The following COLEC12 variants were observed in gnomAD, a reference collection of about 807,000 sequenced individuals.
The protein encoded by COLEC12 is collectin subfamily member 12.
A neutral mutation model predicts 71.1 loss-of-function variants in COLEC12; 33 were observed. The ratio of observed to expected loss-of-function variants is 0.46; its 90% CI spans 0.35 to 0.62. The LOEUF (loss-of-function observed/expected upper bound fraction) is 0.62. COLEC12 is among the 20% of genes least tolerant of loss of function. The pLI, the probability that COLEC12 is intolerant of heterozygous loss-of-function variation, is 0.00. For missense variants in COLEC12, 765 were observed against 916.1 expected (o/e 0.84, Z 2.13); for synonymous variants, 350 against 353.0 (o/e 0.99, Z 0.10).
chr18:360,886 T>C (rs114777376), intron 2 of COLEC12, among the ~76,000 whole-genome samples: 2,044 of 152,270 alleles, frequency 0.013, 42 homozygotes, highest in African/African-American at 0.047. Flanking sequence ...TCTGTCTTAC[T>C]TCCTTATAGC....
intron 2 of COLEC12, among the ~76,000 whole-genome samples, chr18:412,732 A>G (rs1915916815): frequency 6.6e-6 from 1 of 152,218 alleles, no homozygotes. Context: ...GAACTAGCGA[A>G]ATGACAATAG....
intron 3 of COLEC12, among the ~76,000 whole-genome samples, chr18:353,091 C>A (rs866503555): frequency 6.6e-6 from 1 of 152,168 alleles, no homozygotes. Context: ...AAAAGCACTT[C>A]GGTATCATCC....
chr18:495,288 A>G (rs772913830), intron 1 of COLEC12, among the ~76,000 whole-genome samples: 2 of 152,226 alleles, frequency 1.3e-5, no homozygotes, highest in Non-Finnish European at 2.9e-5. Flanking sequence ...TGAACCTTCT[A>G]TGAAAAATGT....
intron 2 of COLEC12, among the ~76,000 whole-genome samples, chr18:378,619 T>C (rs1474938727): frequency 6.6e-6 from 1 of 152,166 alleles, no homozygotes; most frequent in African/African-American, 2.4e-5. Flanking sequence ...TGGCAATTGC[T>C]AGTAAAAGTT....
At chr18:467,777 C>G (rs1917115656) in intron 2 of COLEC12, among the ~76,000 whole-genome samples, 1 of 152,022 alleles carries the variant, frequency 6.6e-6, no homozygotes, top group Admixed American at 6.6e-5. Flanking sequence ...TATACGAAAA[C>G]AACTTACAGC....
chr18:393,124 C>G (rs1915497700), intron 2 of COLEC12, among the ~76,000 whole-genome samples: 1 of 152,212 alleles, frequency 6.6e-6, no homozygotes, highest in South Asian at 2.1e-4. Flanking sequence ...TTGTTCTGGT[C>G]CCATGTAGAG....
At chr18:410,103 T>C (rs1915864696) in intron 2 of COLEC12, among the ~76,000 whole-genome samples, 1 of 152,236 alleles carries the variant, frequency 6.6e-6, no homozygotes, top group Non-Finnish European at 1.5e-5. Flanking sequence ...AAATTAAGCA[T>C]AAAGTGCCAA....
Position 319,327 on chromosome 18 carries a change from A to ATATATAT in COLEC12, c.*717_*718insATATATA, listed in dbSNP as rs1487697803. The ATATATAT allele has an allele frequency of 6.4e-3, 25 of 3,882 alleles. No individual in the cohort carries two copies. Among genetic ancestry groups the ATATATAT allele is most frequent in the South Asian group, 0.011 (1 of 92 alleles). 0.2% of individuals were successfully genotyped at this position (3,882 alleles called of 1,614,324 possible). ...CTCTGAGGAAATGAAACATTAAAAAAAAAAAAAAAAAAAAATATATATATA... is the reference window on the plus strand; with the variant it reads ...CTCTGAGGAAATGAAACATTAAAAAATATATATAAAAAAAAAAAAAAATATATATATA... On this transcript the variant is annotated 3_prime_UTR_variant, in exon 10 of 10. Coordinates refer to ENST00000400256, the MANE Select transcript of COLEC12 (RefSeq NM_130386.3).
At chr18:462,721 A>G (rs917405808) in intron 2 of COLEC12, among the ~76,000 whole-genome samples, 26 of 151,786 alleles carry the variant, frequency 1.7e-4, no homozygotes, top group Admixed American at 9.8e-4. Flanking sequence ...ACGGAGGAGG[A>G]CTCCCACCTG....
chr18:326,745 T>C (rs1220181007), intron 8 of COLEC12, among the ~76,000 whole-genome samples: 2 of 152,212 alleles, frequency 1.3e-5, no homozygotes, highest in Non-Finnish European at 2.9e-5. Context: ...CTGAAAAGAA[T>C]ATGTATTTGC....
intron 2 of COLEC12, among the ~76,000 whole-genome samples, chr18:363,943 G>A (rs951944869): frequency 6.6e-6 from 1 of 152,202 alleles, no homozygotes; most frequent in African/African-American, 2.4e-5. Flanking sequence ...AATTGGAAAT[G>A]AAATCACTTT....
rs868149774 is a variant in COLEC12 at position 426,059 on chromosome 18, C to T, written c.58+54648G>A. On this transcript the variant is annotated intron_variant, in intron 2 of 9. Coordinates refer to ENST00000400256, the MANE Select transcript of COLEC12 (RefSeq NM_130386.3). ...AACAGAGGCACAGGATGTTAAGTGA[C>T]TTGTCCAAGATCACATGGAAAGTAT... Among the ~76,000 whole-genome samples the T allele has an allele frequency of 2.0e-5, 3 of 152,292 alleles. No individual in the cohort carries two copies. The South Asian group carries it at 6.2e-4, about 32-fold the overall frequency.
chr18:430,202 G>A (rs1242695295), intron 2 of COLEC12, among the ~76,000 whole-genome samples: 1 of 151,998 alleles, frequency 6.6e-6, no homozygotes, highest in Non-Finnish European at 1.5e-5. Flanking sequence ...CAGGCGTGGT[G>A]GCGCACCTGT....
At chr18:428,057 G>A (rs1916231361) in intron 2 of COLEC12, among the ~76,000 whole-genome samples, 1 of 152,092 alleles carries the variant, frequency 6.6e-6, no homozygotes, top group Non-Finnish European at 1.5e-5. Flanking sequence ...CTGAGGTCAG[G>A]AGTTTGAGAC....
chr18:415,646 C>T (rs1225956087), intron 2 of COLEC12, among the ~76,000 whole-genome samples: 2 of 152,160 alleles, frequency 1.3e-5, no homozygotes, highest in Admixed American at 6.5e-5. Flanking sequence ...CATCTACACA[C>T]ATTGGGCTGT....
At chr18:487,034 A>G (rs1164395421) in intron 1 of COLEC12, among the ~76,000 whole-genome samples, 1 of 152,246 alleles carries the variant, frequency 6.6e-6, no homozygotes, top group African/African-American at 2.4e-5. Context: ...TTGTAGCAGC[A>G]TTATTCATAA....
chr18:467,493 T>G (rs1057065563), intron 2 of COLEC12, among the ~76,000 whole-genome samples: 1 of 152,232 alleles, frequency 6.6e-6, no homozygotes, highest in East Asian at 1.9e-4. Context: ...TTTATGTTTT[T>G]TGTCCAATAT....
rs77433832 is a variant in COLEC12, at chr18:361,541, C to T, written c.59-4019G>A. On this transcript the variant is annotated intron_variant, in intron 2 of 9. Transcript: ENST00000400256. ...AAGGCACTCTTAACTAAAGGATGCG[C>T]GCATGAACACACACACCCACACTCT... 2.5e-3 allele frequency among the ~76,000 whole-genome samples: 386 copies of T among 152,250 alleles called. 2 individuals are homozygous for T. In the South Asian group the frequency reaches 0.033, roughly 13 times the overall value.
chr18:426,068 G>T (rs1916193215), intron 2 of COLEC12, among the ~76,000 whole-genome samples: 1 of 152,192 alleles, frequency 6.6e-6, no homozygotes, highest in African/African-American at 2.4e-5. Flanking sequence ...ACTTGTCCAA[G>T]ATCACATGGA....
Sources: gnomAD v4.1 joint callset for allele counts (sites outside exome capture counted in the v4.1 genomes callset) on GRCh38, gnomAD v4.1.1 for gene constraint, MANE v1.5 for transcripts, NCBI Gene and HGNC (gene_info 2026-07-23, HGNC 2026-07-21) for gene names.